Variants in RFX3 observed in about 807,000 individuals in gnomAD.
RFX3 encodes the protein transcription factor RFX3.
A neutral mutation model predicts 98.6 loss-of-function variants in RFX3; 14 were observed. The observed-to-expected ratio is 0.14, with a 90% CI of 0.09 to 0.22. RFX3 has a LOEUF of 0.22. Ranked by LOEUF, RFX3 falls within the 10% of genes least tolerant of loss-of-function variation. RFX3 has a pLI of 1.00. For missense variants in RFX3, 639 were observed against 926.9 expected, an observed-to-expected ratio of 0.69 and a Z score of 4.03; for synonymous variants, 383 against 328.4, an observed-to-expected ratio of 1.17 and a Z score of -1.80.
chr9:3,284,758 A>C (rs1336565016), intron 7 of RFX3, among the ~76,000 whole-genome samples: 2 of 151,760 alleles, frequency 1.3e-5, no homozygotes, highest in Non-Finnish European at 3.0e-5. Context: ...CTGCCTGTGA[A>C]TCAAGTGGGC....
chr9:3,237,196 T>C (rs1819279620), intron 15 of RFX3, among the ~76,000 whole-genome samples: 1 of 152,246 alleles, frequency 6.6e-6, no homozygotes, highest in East Asian at 1.9e-4. Flanking sequence ...GTTCCCATTT[T>C]CTTTTCTAAT....
chr9:3,457,578 T>G (rs1429108152), intron 1 of RFX3, among the ~76,000 whole-genome samples: 1 of 152,208 alleles, frequency 6.6e-6, no homozygotes, highest in Non-Finnish European at 1.5e-5. Context: ...ATTATTATTT[T>G]TTTTCATGAT....
At chr9:3,325,645 T>C (rs975208942) in intron 4 of RFX3, among the ~76,000 whole-genome samples, 6 of 152,016 alleles carry the variant, frequency 3.9e-5, no homozygotes, top group Non-Finnish European at 7.4e-5. Context: ...AAAAATATTA[T>C]TTTATGTAAG....
intron 9 of RFX3, among the ~76,000 whole-genome samples, chr9:3,272,216 G>T (rs988279995): frequency 3.9e-5 from 6 of 152,194 alleles, no homozygotes; most frequent in African/African-American, 1.4e-4. Flanking sequence ...AAAGACAGAA[G>T]TAGTCAGTAT....
chr9:3,396,449 A>G (rs1255278455), intron 1 of RFX3, among the ~76,000 whole-genome samples: 1 of 152,154 alleles, frequency 6.6e-6, no homozygotes, highest in Non-Finnish European at 1.5e-5. Flanking sequence ...ATTGTTGGAC[A>G]TTTGGCTTGG....
In RFX3 at chr9:3,525,937, AGAGG is replaced by A; in HGVS notation, c.-203_-200del. ...GCTATAACTCACAAAAGAGAGAGAGAGAGGGAGAGAGAGAGAGAGCGAGAGGGAG... is the reference window on the plus strand; with the variant it reads ...GCTATAACTCACAAAAGAGAGAGAGAGAGAGAGAGAGAGAGCGAGAGGGAG... On this transcript the variant is annotated 5_prime_UTR_variant, in exon 1 of 17. Coordinates refer to ENST00000617270, the MANE Select transcript of RFX3 (RefSeq NM_001282116.2). The A allele has an allele frequency of 8.8e-6, 8 of 909,976 alleles. No homozygotes were observed. Among genetic ancestry groups the A allele is most frequent in the Non-Finnish European group, 1.0e-5 (8 of 769,502 alleles). The allele number at this position is 909,976 out of a possible 1,614,324, so 56.4% of individuals were successfully genotyped here.
At chr9:3,430,490 T>G (rs927277019) in intron 1 of RFX3, among the ~76,000 whole-genome samples, 6 of 152,210 alleles carry the variant, frequency 3.9e-5, no homozygotes, top group African/African-American at 1.4e-4. Flanking sequence ...AAATGAACAT[T>G]TGTGCCTCAA....
rs532018750 is a variant in RFX3 at position 3,316,235 on chromosome 9, A to G, written c.474+14024T>C. The stretch of plus-strand genomic sequence containing the variant: ...GCTGGTTCAACATATGCAAATCAAT[A>G]AACGTAATCCAGCATATAAAAAGAA... On this transcript the variant is annotated intron_variant, in intron 4 of 16. Coordinates refer to ENST00000617270, the MANE Select transcript of RFX3 (RefSeq NM_001282116.2). Among the ~76,000 whole-genome samples, 14 of 152,330 alleles carry G rather than the reference A, an allele frequency of 9.2e-5. No individual in the cohort carries two copies. The East Asian group carries it at 2.1e-3, about 23-fold the overall frequency.
Position 3,252,031 on chromosome 9 carries a change from A to G in RFX3, c.1815-3846T>C, listed in dbSNP as rs534462408. Reference sequence around the variant, plus strand: ...GCCTGGCTAATTTTGTATTTTTAGTAGAGACGGGGTTTCTCCATGTTGGTC... The same window carrying G: ...GCCTGGCTAATTTTGTATTTTTAGTGGAGACGGGGTTTCTCCATGTTGGTC... On this transcript the variant is annotated intron_variant, in intron 14 of 16. Transcript: ENST00000617270. 3.9e-5 allele frequency among the ~76,000 whole-genome samples: 6 copies of G among 152,260 alleles called. No individual in the cohort carries two copies. The East Asian group carries it at 9.7e-4, about 25-fold the overall frequency.
chr9:3,242,162 G>C (rs1396738837), intron 15 of RFX3, among the ~76,000 whole-genome samples: 5 of 152,036 alleles, frequency 3.3e-5, no homozygotes, highest in Non-Finnish European at 5.9e-5. Context: ...TTTTGATTTG[G>C]GGCAACTTTC....
chr9:3,292,100 A>AAAAAAAAAC, intron 6 of RFX3, among the ~76,000 whole-genome samples: 1 of 120,280 alleles, frequency 8.3e-6, no homozygotes, highest in African/African-American at 3.1e-5. Flanking sequence ...AAAAAAAAAA[A>AAAAAAAAAC]CTCTTTACGA....
chr9:3,230,493 T>C (rs1163180481), intron 15 of RFX3, among the ~76,000 whole-genome samples: 1 of 152,228 alleles, frequency 6.6e-6, no homozygotes, highest in East Asian at 1.9e-4. Context: ...TCAGGTCTTT[T>C]ATAAGTCTAA....
intron 7 of RFX3, among the ~76,000 whole-genome samples, chr9:3,282,469 G>A (rs767299464): frequency 6.6e-6 from 1 of 151,718 alleles, no homozygotes; most frequent in African/African-American, 2.4e-5. Context: ...AACTGCAGCA[G>A]GTAAAGGAGG....
At chr9:3,442,017 T>C (rs1422340246) in intron 1 of RFX3, among the ~76,000 whole-genome samples, 1 of 152,058 alleles carries the variant, frequency 6.6e-6, no homozygotes, top group Non-Finnish European at 1.5e-5. Flanking sequence ...CTGGTCAACA[T>C]GGTGAAACCC....
chr9:3,468,728 C>T (rs1273366212), intron 1 of RFX3, among the ~76,000 whole-genome samples: 4 of 150,422 alleles, frequency 2.7e-5, no homozygotes, highest in African/African-American at 9.8e-5. Flanking sequence ...CAGCTGTCAA[C>T]CATGAAGACC....
intron 4 of RFX3, among the ~76,000 whole-genome samples, chr9:3,322,636 G>A (rs1420775786): frequency 6.6e-6 from 1 of 152,162 alleles, no homozygotes; most frequent in Admixed American, 6.5e-5. Context: ...GGGAGGCTGA[G>A]ATAGGAGAAT....
At chr9:3,290,568 G>T (rs1827212309) in intron 6 of RFX3, among the ~76,000 whole-genome samples, 1 of 151,864 alleles carries the variant, frequency 6.6e-6, no homozygotes, top group African/African-American at 2.4e-5. Flanking sequence ...TGATTTTTGT[G>T]GTTTTGAAAA....
chr9:3,323,291 A>C (rs1426682255), intron 4 of RFX3, among the ~76,000 whole-genome samples: 1 of 152,172 alleles, frequency 6.6e-6, no homozygotes, highest in East Asian at 1.9e-4. Context: ...AATTAAACAC[A>C]TGGGCCAGTA....
intron 2 of RFX3, among the ~76,000 whole-genome samples, chr9:3,351,250 G>A (rs959221019): frequency 4.0e-5 from 6 of 151,860 alleles, no homozygotes; most frequent in Non-Finnish European, 5.9e-5. Flanking sequence ...AATACTAAAG[G>A]TGCTTTAGAA....
Sources: allele counts gnomAD v4.1 joint callset (sites outside exome capture counted in the v4.1 genomes callset), GRCh38; gene constraint gnomAD v4.1.1; transcripts MANE v1.5; gene names NCBI Gene and HGNC (gene_info 2026-07-23, HGNC 2026-07-21).